Variants in ABCA5 observed in about 807,000 individuals in gnomAD.
The protein encoded by ABCA5 is ATP binding cassette subfamily A member 5.
Under a neutral mutation model 206.0 loss-of-function variants are expected in ABCA5, and 163 were observed. The observed-to-expected ratio is 0.79, with a 90% CI of 0.70 to 0.90. The LOEUF is 0.90. ABCA5 is among the 40% of genes least tolerant of loss of function. The pLI is 0.00. For missense variants in ABCA5, 1,859 were observed against 1,912.9 expected, an observed-to-expected ratio of 0.97 and a Z score of 0.53; for synonymous variants, 609 against 613.8, an observed-to-expected ratio of 0.99 and a Z score of 0.11.
chr17:69,279,569 C>T (rs201960751), intron 18 of ABCA5, among the ~76,000 whole-genome samples: 7,585 of 151,504 alleles, frequency 0.05, 356 homozygotes, highest in East Asian at 0.28. Flanking sequence ...GAGCCCGCAT[C>T]GCCAAGTCAA....
chr17:69,266,825 C>A (rs2075214561), intron 23 of ABCA5, among the ~76,000 whole-genome samples: 1 of 149,852 alleles, frequency 6.7e-6, no homozygotes, highest in Non-Finnish European at 1.5e-5. Flanking sequence ...TTATAGTAAA[C>A]AAATAACAAA....
At chr17:69,252,157 G>T (rs1015676218) in intron 34 of ABCA5, among the ~76,000 whole-genome samples, 1 of 151,036 alleles carries the variant, frequency 6.6e-6, no homozygotes, top group South Asian at 2.1e-4. Context: ...GACTACAGGT[G>T]CCTGCCACCA....
At chr17:69,289,822 A>G in intron 13 of ABCA5, 40 bp downstream of exon 13, 1 of 1,463,278 alleles carries the variant, frequency 6.8e-7, no homozygotes, top group Non-Finnish European at 9.3e-7. Flanking sequence ...GTTATTGATT[A>G]CAGGAAATAA....
intron 22 of ABCA5, among the ~76,000 whole-genome samples, chr17:69,270,362 A>G (rs1334301185): frequency 6.6e-6 from 1 of 152,046 alleles, no homozygotes; most frequent in Non-Finnish European, 1.5e-5. Flanking sequence ...ATTTTATTCT[A>G]TGATCAATAT....
At chr17:69,284,218 C>A in intron 17 of ABCA5, 146 bp from the exon 18 acceptor site, 1 of 611,390 alleles carries the variant, frequency 1.6e-6, no homozygotes. Flanking sequence ...ATTAGCTAGG[C>A]ATAAATACTG....
At chr17:69,282,492 C>T (rs1395728986) in intron 18 of ABCA5, among the ~76,000 whole-genome samples, 1 of 152,138 alleles carries the variant, frequency 6.6e-6, no homozygotes, top group Non-Finnish European at 1.5e-5. Context: ...ATGCCTCGGC[C>T]GGGCGCAGTG....
chr17:69,308,191 G>C (rs1349949365), intron 5 of ABCA5, 89 bp downstream of exon 5: 1 of 660,758 alleles, frequency 1.5e-6, no homozygotes, highest in African/African-American at 1.8e-5. Context: ...ACATTTGACA[G>C]TAGTCAAACC....
At chr17:69,260,484 ATT>A in intron 26 of ABCA5, 72 bp from the exon 27 acceptor site, 3 of 1,058,786 alleles carry the variant, frequency 2.8e-6, no homozygotes, top group Non-Finnish European at 4.2e-6. Context: ...GAAAAAATGT[ATT>A]TTGTTTAGCA....
chr17:69,301,456 A>G (rs1027797717), intron 8 of ABCA5, among the ~76,000 whole-genome samples, 170 bp from the exon 9 acceptor site: 2 of 152,116 alleles, frequency 1.3e-5, no homozygotes, highest in South Asian at 4.1e-4. Flanking sequence ...GAAAACAATA[A>G]AGACTTTACA....
At chr17:69,277,963 T>C in intron 18 of ABCA5, 121 bp from the exon 19 acceptor site, 1 of 687,996 alleles carries the variant, frequency 1.5e-6, no homozygotes, top group East Asian at 3.0e-5. Context: ...TGGAACTCTC[T>C]TATATTCTGG....
chr17:69,296,228 T>A (rs2075582362), intron 10 of ABCA5, among the ~76,000 whole-genome samples: 1 of 152,216 alleles, frequency 6.6e-6, no homozygotes, highest in African/African-American at 2.4e-5. Flanking sequence ...AATGATTTGT[T>A]AATCAGTTAA....
chr17:69,293,705 C>G (rs2075552015), intron 11 of ABCA5, among the ~76,000 whole-genome samples: 1 of 152,086 alleles, frequency 6.6e-6, no homozygotes, highest in Admixed American at 6.6e-5. Context: ...GAGCTCAAGA[C>G]TGAAACTTCA....
chr17:69,264,140 C>G (rs1827495507), intron 24 of ABCA5, among the ~76,000 whole-genome samples: 1 of 152,126 alleles, frequency 6.6e-6, no homozygotes, highest in African/African-American at 2.4e-5. Flanking sequence ...AGTATGGCCA[C>G]TTTAATATAT....
rs747335869 is a variant in ABCA5, at chr17:69,291,282, C to A, written c.1540G>T (p.Gly514Cys). 6.2e-7 allele frequency: 1 copy of A among 1,611,066 alleles called. No individual in the cohort carries two copies. The change falls in exon 12 of 39, where the codon GGC (glycine) becomes TGC (cysteine). Residue 514 changes from glycine (G) to cysteine (C), a missense_variant. Physicochemically the swap from Gly to Cys is radical, Grantham distance 159. Coordinates refer to ENST00000392676, the MANE Select transcript of ABCA5 (RefSeq NM_172232.4). ...IYEGQITALL[G>C]HSGTGKSTLM... is the part of the protein sequence containing the mutation. ...GTACTCTTTCCTGTTCCACTGTGGCCAAGTAAGGCAGTAATCTGACCCTCA... is the reference window on the plus strand; with the variant it reads ...GTACTCTTTCCTGTTCCACTGTGGCAAAGTAAGGCAGTAATCTGACCCTCA...
intron 26 of ABCA5, 106 bp from the exon 27 acceptor site, chr17:69,260,518 G>A: frequency 1.4e-6 from 1 of 740,346 alleles, no homozygotes; most frequent in Non-Finnish European, 2.2e-6. Flanking sequence ...TCTATAATAA[G>A]TTAGCTGTTC....
At chr17:69,284,095 T>C (rs377761083) in intron 17 of ABCA5, 23 bp from the exon 18 acceptor site, 64 of 1,496,338 alleles carry the variant, frequency 4.3e-5, no homozygotes, top group African/African-American at 2.2e-4. Flanking sequence ...AATGAAAGAA[T>C]AGTATATCTT....
At chr17:69,278,519 G>C (rs578170868) in intron 18 of ABCA5, among the ~76,000 whole-genome samples, 1 of 152,270 alleles carries the variant, frequency 6.6e-6, no homozygotes, top group African/African-American at 2.4e-5. Flanking sequence ...GAAGGTTTAA[G>C]AGCCAATGCC....
At chr17:69,290,174 C>T in intron 12 of ABCA5, 137 bp from the exon 13 acceptor site, 1 of 545,056 alleles carries the variant, frequency 1.8e-6, no homozygotes, top group Non-Finnish European at 3.1e-6. Flanking sequence ...AGGCACAACA[C>T]ACCCTTCAAT....
intron 34 of ABCA5, among the ~76,000 whole-genome samples, chr17:69,252,068 G>A (rs1016087142): frequency 1.4e-5 from 2 of 146,204 alleles, no homozygotes. Flanking sequence ...CTGGAGAGAA[G>A]TGGCCCGATC....
Sources: allele counts gnomAD v4.1 joint callset (sites outside exome capture counted in the v4.1 genomes callset), GRCh38; gene constraint gnomAD v4.1.1; transcripts MANE v1.5; gene names NCBI Gene and HGNC (gene_info 2026-07-23, HGNC 2026-07-21).